Variants in SLAMF7 observed in about 807,000 individuals in gnomAD.
SLAMF7 encodes the protein SLAM family member 7.
In SLAMF7, 26 loss-of-function variants were observed where a neutral mutation model predicts 34.1. The observed-to-expected ratio is 0.76, with a 90% CI of 0.56 to 1.06. The LOEUF is 1.06. Ranked by LOEUF, SLAMF7 falls within the 50% of genes least tolerant of loss-of-function variation. The probability of loss-of-function intolerance (pLI) is 0.00; values close to 1 mark genes in which losing one functional copy is unlikely to be tolerated. For missense variants in SLAMF7, 399 were observed against 402.5 expected (o/e 0.99, Z 0.07); for synonymous variants, 171 against 156.4 (o/e 1.09, Z -0.70).
intron 5 of SLAMF7, 67 bp from the exon 6 acceptor site, chr1:160,752,119 C>A: frequency 7.7e-7 from 1 of 1,300,566 alleles, no homozygotes; most frequent in Non-Finnish European, 1.1e-6. Flanking sequence ...GAATGTCTCT[C>A]TGGCCTTGTC....
Position 160,740,165 on chromosome 1 carries a change from C to T in SLAMF7, c.55+809C>T, listed in dbSNP as rs1292898075. Reference sequence around the variant, plus strand: ...GCAGCTGGTGCCCCCAATATTTTCCCCTGCATCGCTAAGTGGTCAGCATCA... The same window carrying T: ...GCAGCTGGTGCCCCCAATATTTTCCTCTGCATCGCTAAGTGGTCAGCATCA... On this transcript the variant is annotated intron_variant, in intron 1 of 6. Coordinates refer to ENST00000368043, the MANE Select transcript of SLAMF7 (RefSeq NM_021181.5). 2.0e-5 allele frequency among the ~76,000 whole-genome samples: 3 copies of T among 152,022 alleles called. No homozygotes were observed. The East Asian group carries it at 5.8e-4, about 29-fold the overall frequency.
intron 1 of SLAMF7, among the ~76,000 whole-genome samples, chr1:160,740,711 T>A (rs973359768): frequency 6.6e-6 from 1 of 152,240 alleles, no homozygotes; most frequent in Non-Finnish European, 1.5e-5. Context: ...TTAAATGACA[T>A]ATCAAATGCA....
rs1664859978 is a variant in SLAMF7 at position 160,754,373 on chromosome 1, A to C, written c.*1196A>C. 1 of 152,552 alleles carries C rather than the reference A, an allele frequency of 6.6e-6. No homozygotes were observed. Among genetic ancestry groups the C allele is most frequent in the Admixed American group, 6.5e-5 (1 of 15,270 alleles). The allele number at this position is 152,552 out of a possible 1,614,324, so 9.4% of individuals were successfully genotyped here. A position where few individuals can be genotyped will look rare whatever the true frequency, so the allele number is the denominator to read the frequency against. Reference sequence around the variant, plus strand: ...AGGCCAAGGCATGAGAATCGCTTGAACCTGGGAGGTGGAGGTTGCAGTGAG... The same window carrying C: ...AGGCCAAGGCATGAGAATCGCTTGACCCTGGGAGGTGGAGGTTGCAGTGAG... On this transcript the variant is annotated 3_prime_UTR_variant, in exon 7 of 7. Transcript: ENST00000368043.
intron 1 of SLAMF7, 90 bp downstream of exon 1, chr1:160,739,446 AC>A (rs1663556133): frequency 1.8e-6 from 2 of 1,088,050 alleles, no homozygotes; most frequent in Non-Finnish European, 2.7e-6. Flanking sequence ...CTCTGGCTCA[AC>A]TCGGGAGGCT....
chr1:160,748,043 G>A (rs1664270771), intron 1 of SLAMF7, 151 bp from the exon 2 acceptor site: 2 of 653,354 alleles, frequency 3.1e-6, no homozygotes. Context: ...AACATGTGAG[G>A]GACCTCTATA....
intron 1 of SLAMF7, among the ~76,000 whole-genome samples, chr1:160,747,405 T>C (rs994669974): frequency 2.6e-5 from 4 of 152,116 alleles, no homozygotes; most frequent in African/African-American, 9.7e-5. Flanking sequence ...CAAGGCTGGG[T>C]GTGGTGGCTC....
chr1:160,753,309 A>G lies in SLAMF7; in HGVS notation c.*132A>G. 1 of 735,596 alleles carries G rather than the reference A, an allele frequency of 1.4e-6. No individual in the cohort carries two copies. The highest frequency in any genetic ancestry group is 1.8e-5 in the South Asian group (1 of 56,440). The allele number at this position is 735,596 out of a possible 1,614,324, so 45.6% of individuals were successfully genotyped here. A position where few individuals can be genotyped will look rare whatever the true frequency, so the allele number is the denominator to read the frequency against. Reference sequence around the variant, plus strand: ...TGAAGAACGTTGACTTTTTTCCAGGATAAATTATCTCTGATGCTTCTTTAG... The same window carrying G: ...TGAAGAACGTTGACTTTTTTCCAGGGTAAATTATCTCTGATGCTTCTTTAG... On this transcript the variant is annotated 3_prime_UTR_variant, in exon 7 of 7. Coordinates refer to ENST00000368043, the MANE Select transcript of SLAMF7 (RefSeq NM_021181.5).
At chr1:160,753,024 T>A (rs533799913) in intron 6 of SLAMF7, 82 bp from the exon 7 acceptor site, 2 of 1,337,286 alleles carry the variant, frequency 1.5e-6, no homozygotes, top group Non-Finnish European at 2.1e-6. Flanking sequence ...GGAAATAAAG[T>A]TTCCTGGATG....
At chr1:160,742,769 T>C (rs577159715) in intron 1 of SLAMF7, among the ~76,000 whole-genome samples, 21 of 152,358 alleles carry the variant, frequency 1.4e-4, no homozygotes, top group African/African-American at 2.6e-4. Flanking sequence ...CATTTCTTCA[T>C]TGGGGCTTTA....
Position 160,741,026 on chromosome 1 carries a change from G to A in SLAMF7, c.55+1670G>A, listed in dbSNP as rs139144298. 2.7e-3 allele frequency among the ~76,000 whole-genome samples: 409 copies of A among 152,298 alleles called. 2 individuals are homozygous for A. Among genetic ancestry groups the A allele is most frequent in the African/African-American group, 9.4e-3 (390 of 41,550 alleles). ...ATTTGAGCTGAATCTTCCTCAGGGA[G>A]TACCAGTTGGGGTTTCTTCCCTCTC... On this transcript the variant is annotated intron_variant, in intron 1 of 6. Coordinates refer to ENST00000368043, the MANE Select transcript of SLAMF7 (RefSeq NM_021181.5).
In SLAMF7 at chr1:160,752,154, GA is replaced by G. The variant is rs1453501684; in HGVS notation, c.874-31del. On this transcript the variant is annotated intron_variant, in intron 5 of 6. Transcript: ENST00000368043. ...CTATGTGATTCAGGAGGTGGGTGAT[GA>G]TTTCTTTTGTTTGTTGTTTGTTTTT... 7.6e-6 allele frequency: 12 copies of G among 1,577,058 alleles called. No homozygotes were observed. In the Middle Eastern group the frequency reaches 6.7e-4, roughly 88 times the overall value.
intron 2 of SLAMF7, 76 bp downstream of exon 2, chr1:160,748,590 G>A: frequency 7.4e-7 from 1 of 1,344,310 alleles, no homozygotes; most frequent in Non-Finnish European, 1.0e-6. Flanking sequence ...AGATGTTTAA[G>A]CAGAGGCTGA....
At chr1:160,750,176 C>T in intron 3 of SLAMF7, 83 bp downstream of exon 3, 1 of 1,578,050 alleles carries the variant, frequency 6.3e-7, no homozygotes, top group Non-Finnish European at 8.6e-7. Context: ...GGAACAGACA[C>T]TGTATGGAAA....
At chr1:160,741,657 C>T (rs185720334) in intron 1 of SLAMF7, among the ~76,000 whole-genome samples, 7 of 152,100 alleles carry the variant, frequency 4.6e-5, no homozygotes, top group South Asian at 2.1e-4. Context: ...TGAAGCCTAA[C>T]GGAAGCAAGT....
At chr1:160,742,904 CAG>C (rs1663856291) in intron 1 of SLAMF7, among the ~76,000 whole-genome samples, 1 of 152,176 alleles carries the variant, frequency 6.6e-6, no homozygotes, top group Non-Finnish European at 1.5e-5. Flanking sequence ...TTACAAACCA[CAG>C]AGTGACACCA....
intron 6 of SLAMF7, 81 bp downstream of exon 6, chr1:160,752,329 C>G (rs1291481904): frequency 1.8e-6 from 2 of 1,119,582 alleles, no homozygotes; most frequent in Non-Finnish European, 2.7e-6. Context: ...ATTTCTTGGA[C>G]CCAGGTATCT....
intron 5 of SLAMF7, chr1:160,751,904 A>ACC (rs1664664358): frequency 7.1e-6 from 1 of 140,084 alleles, no homozygotes; most frequent in Non-Finnish European, 1.5e-5. Context: ...ATATATATAC[A>ACC]CACACATATA....
chr1:160,748,121 G>A, intron 1 of SLAMF7, 73 bp from the exon 2 acceptor site: 9 of 1,493,866 alleles, frequency 6.0e-6, no homozygotes, highest in Non-Finnish European at 8.2e-6. Flanking sequence ...ATCTCTCCAG[G>A]ACCCAAAGGG....
chr1:160,752,319 AT>A, intron 6 of SLAMF7, 71 bp downstream of exon 6: 1 of 1,308,356 alleles, frequency 7.6e-7, no homozygotes, highest in Non-Finnish European at 1.1e-6. Flanking sequence ...TTAGGTCAAA[AT>A]TTCTTGGACC....
Sources: allele counts gnomAD v4.1 joint callset (sites outside exome capture counted in the v4.1 genomes callset), GRCh38; gene constraint gnomAD v4.1.1; transcripts MANE v1.5; gene names NCBI Gene and HGNC (gene_info 2026-07-23, HGNC 2026-07-21).